Variants in GNA11 observed in about 807,000 individuals in gnomAD.
The protein encoded by GNA11 is G protein subunit alpha 11.
GNA11 carries 8 observed loss-of-function variants against 38.2 expected under a neutral mutation model. The observed-to-expected ratio is 0.21, with a 90% CI of 0.12 to 0.38. GNA11 has a LOEUF of 0.38. Among genes scored for constraint, GNA11 ranks in the 10% least tolerant of loss-of-function variants. The probability of loss-of-function intolerance (pLI) is 1.00; values close to 1 mark genes in which losing one functional copy is unlikely to be tolerated. For synonymous variants in GNA11, 211 were observed against 221.4 expected, an observed-to-expected ratio of 0.95 and a Z score of 0.42; for missense variants, 268 against 516.3, an observed-to-expected ratio of 0.52 and a Z score of 4.66.
chr19:3,113,898 C>G (rs1056130658), intron 3 of GNA11, among the ~76,000 whole-genome samples: 2 of 152,202 alleles, frequency 1.3e-5, no homozygotes, highest in African/African-American at 4.8e-5. Context: ...AGCCACGTCT[C>G]CCACTAGTGA....
chr19:3,103,976 T>C (rs1298930196), intron 1 of GNA11, among the ~76,000 whole-genome samples: 9 of 152,206 alleles, frequency 5.9e-5, no homozygotes, highest in Admixed American at 2.6e-4. Flanking sequence ...TGAGCCACCA[T>C]GCCTGGCCAT....
intron 3 of GNA11, among the ~76,000 whole-genome samples, chr19:3,113,952 G>A (rs999358758): frequency 1.3e-5 from 2 of 152,172 alleles, no homozygotes; most frequent in African/African-American, 4.8e-5. Flanking sequence ...CCAGTCTCTG[G>A]GCCTGGGATA....
rs1252986667 is a variant in GNA11 at position 3,122,883 on chromosome 19, CCAGGT to C, written c.*1709_*1713del. 4.3e-6 allele frequency: 1 copy of C among 233,354 alleles called. No individual in the cohort carries two copies. Among genetic ancestry groups the C allele is most frequent in the African/African-American group, 2.2e-5 (1 of 45,350 alleles). 14.5% of individuals were successfully genotyped at this position (233,354 alleles called of 1,614,324 possible). On this transcript the variant is annotated 3_prime_UTR_variant, in exon 7 of 7. Transcript: ENST00000078429. The surrounding 1 kb of genome is among the most constrained non-coding windows in gnomAD (Gnocchi z 7.7). ...AGCCCCGTGGAAGGGTCAGGGGAGA[CCAGGT>C]CAGGGCAGCTACATTTCTGGTGATC...
Position 3,118,916 on chromosome 19 carries a change from C to T in GNA11, c.606-8C>T, listed in dbSNP as rs764761442. On this transcript the variant is annotated splice_polypyrimidine_tract_variant and splice_region_variant and intron_variant, in intron 4 of 6. Coordinates refer to ENST00000078429, the MANE Select transcript of GNA11 (RefSeq NM_002067.5). ...AGGTGGCTGAGTCCTGGCGCTGTGT[C>T]CTTTCAGGATGGTGGATGTGGGGGG... The T allele has an allele frequency of 6.3e-5, 101 of 1,607,036 alleles. No homozygotes were observed. Among genetic ancestry groups the T allele is most frequent in the Admixed American group, 3.3e-5 (2 of 59,832 alleles).
chr19:3,120,975 C>T lies in GNA11; in HGVS notation c.890-14C>T, dbSNP rs1914057238. The T allele has an allele frequency of 6.2e-7, 1 of 1,604,340 alleles. No homozygotes were observed. Among genetic ancestry groups the T allele is most frequent in the Non-Finnish European group, 8.5e-7 (1 of 1,173,044 alleles). On this transcript the variant is annotated splice_polypyrimidine_tract_variant and intron_variant, in intron 6 of 6. Coordinates refer to ENST00000078429, the MANE Select transcript of GNA11 (RefSeq NM_002067.5). The surrounding 1 kb of genome is among the most constrained non-coding windows in gnomAD (Gnocchi z 5.9). ...CCGGGCTGGGGCACAGCCTCACCCT[C>T]TGCCCTCCCCCAGGTCCCCAGCGGG...
intron 2 of GNA11, among the ~76,000 whole-genome samples, chr19:3,111,137 C>A (rs1280240748): frequency 6.7e-6 from 1 of 148,706 alleles, no homozygotes; most frequent in African/African-American, 2.6e-5. Context: ...AAGTAGAGGT[C>A]ATTTGATGCC....
At chr19:3,097,624 G>C (rs1461766696) in intron 1 of GNA11, among the ~76,000 whole-genome samples, 14 of 152,240 alleles carry the variant, frequency 9.2e-5, no homozygotes, top group Admixed American at 9.2e-4. Context: ...GGCCTGTGAG[G>C]TCGGTCAGCC....
At position 3,113,772 on chromosome 19, in the gene GNA11, T is replaced by C. The variant is rs7258655; in HGVS notation, c.476+288T>C. Reference sequence around the variant, plus strand: ...GGAGTGAGCTCCTGGCCACCCTCGGTGCTGGAGCCCGGCCTGTGGCCTGTG... The same window carrying C: ...GGAGTGAGCTCCTGGCCACCCTCGGCGCTGGAGCCCGGCCTGTGGCCTGTG... On this transcript the variant is annotated intron_variant, in intron 3 of 6. Transcript: ENST00000078429. Among the ~76,000 whole-genome samples the C allele has an allele frequency of 0.27, 40,841 of 152,140 alleles. 5,945 individuals are homozygous for C. The highest frequency in any genetic ancestry group is 0.36 in the Middle Eastern group (106 of 294).
chr19:3,114,809 A>T, intron 3 of GNA11, 135 bp from the exon 4 acceptor site: 1 of 799,624 alleles, frequency 1.3e-6, no homozygotes, highest in Non-Finnish European at 2.0e-6. Context: ...TGCTTCAGAC[A>T]CTGCCGTAGG....
intron 1 of GNA11, among the ~76,000 whole-genome samples, chr19:3,100,287 C>T (rs1353862641): frequency 6.6e-6 from 1 of 152,216 alleles, no homozygotes; most frequent in Non-Finnish European, 1.5e-5. Flanking sequence ...ACCAGGAGCA[C>T]CCCCAAGTTG....
Position 3,123,618 on chromosome 19 carries a change from A to C in GNA11, c.*2439A>C. 4.3e-6 allele frequency: 1 copy of C among 232,874 alleles called. No homozygotes were observed. Among genetic ancestry groups the C allele is most frequent in the Non-Finnish European group, 8.5e-6 (1 of 117,842 alleles). 14.4% of individuals were successfully genotyped at this position (232,874 alleles called of 1,614,324 possible). A position where few individuals can be genotyped will look rare whatever the true frequency, so the allele number is the denominator to read the frequency against. ...GCGGCAGCAGCCCCCGGCCACTGCAAACCCATGCCCTGGGTCCCCCGGCTC... is the reference window on the plus strand; with the variant it reads ...GCGGCAGCAGCCCCCGGCCACTGCACACCCATGCCCTGGGTCCCCCGGCTC... On this transcript the variant is annotated 3_prime_UTR_variant, in exon 7 of 7. Transcript: ENST00000078429.
intron 2 of GNA11, 137 bp from the exon 3 acceptor site, chr19:3,113,193 C>T: frequency 1.3e-6 from 1 of 752,784 alleles, no homozygotes; most frequent in East Asian, 2.6e-5. Flanking sequence ...TCACACGGAA[C>T]TGTCAGTGGT....
At chr19:3,113,550 G>A (rs1289574241) in intron 3 of GNA11, 66 bp downstream of exon 3, 5 of 1,290,790 alleles carry the variant, frequency 3.9e-6, no homozygotes, top group South Asian at 1.5e-5. Context: ...GGGACCCTTC[G>A]GGAAGGCCTC....
intron 1 of GNA11, among the ~76,000 whole-genome samples, chr19:3,098,706 T>C (rs1913431633): frequency 6.6e-6 from 1 of 152,202 alleles, no homozygotes; most frequent in South Asian, 2.1e-4. Flanking sequence ...CGGGCCTCTG[T>C]TGGCCCAGTG....
intron 4 of GNA11, 36 bp from the exon 5 acceptor site, chr19:3,118,888 G>C (rs191674809): frequency 6.2e-7 from 1 of 1,600,486 alleles, no homozygotes; most frequent in Non-Finnish European, 8.5e-7. Flanking sequence ...GCCTTGGGGC[G>C]CCAGGTGGCT....
chr19:3,100,284 G>A (rs971370254), intron 1 of GNA11, among the ~76,000 whole-genome samples: 4 of 152,210 alleles, frequency 2.6e-5, no homozygotes, highest in African/African-American at 9.7e-5. Flanking sequence ...CAGACCAGGA[G>A]CACCCCCAAG....
chr19:3,110,143 C>T lies in GNA11; in HGVS notation c.137-6C>T, dbSNP rs769129067. On this transcript the variant is annotated splice_region_variant and splice_polypyrimidine_tract_variant and intron_variant, in intron 1 of 6. Transcript: ENST00000078429. This position sits in a 1 kb window ranked among gnomAD's most constrained non-coding sequence, Gnocchi z 5.4. ...GCCGCCCGCCCTCACGTGCCCCGTC[C>T]CCCAGGCACGGGCGAGAGCGGGAAG... The T allele has an allele frequency of 1.3e-6, 2 of 1,594,208 alleles. No individual in the cohort carries two copies. The highest frequency in any genetic ancestry group is 1.7e-6 in the Non-Finnish European group (2 of 1,172,628).
intron 1 of GNA11, among the ~76,000 whole-genome samples, chr19:3,109,673 GC>G (rs1913722828): frequency 6.6e-6 from 1 of 152,176 alleles, no homozygotes; most frequent in African/African-American, 2.4e-5. Context: ...GGGGCGCCCA[GC>G]CCTTGGGGTG....
At chr19:3,118,739 C>A in intron 4 of GNA11, 185 bp from the exon 5 acceptor site, 1 of 596,322 alleles carries the variant, frequency 1.7e-6, no homozygotes, top group Non-Finnish European at 3.0e-6. Flanking sequence ...CTGCGGTGGT[C>A]ACCCCTGGAG....
Sources: gnomAD v4.1 joint callset for allele counts (sites outside exome capture counted in the v4.1 genomes callset) on GRCh38, gnomAD v4.1.1 for gene constraint, Gnocchi (gnomAD v3.1) non-coding constraint, MANE v1.5 for transcripts, NCBI Gene and HGNC (gene_info 2026-07-23, HGNC 2026-07-21) for gene names.